The following SPTB variants were observed in gnomAD, a reference collection of about 807,000 sequenced individuals.
SPTB encodes spectrin beta chain, erythrocytic.
A neutral mutation model predicts 256.2 loss-of-function variants in SPTB; 45 were observed. The ratio of observed to expected loss-of-function variants is 0.18; its 90% confidence interval spans 0.14 to 0.23. The LOEUF is 0.23. SPTB is among the 10% of genes least tolerant of loss of function. The pLI is 1.00. For missense variants in SPTB, 2,715 were observed against 3,040.4 expected (o/e 0.89, Z 2.52); for synonymous variants, 1,231 against 1,243.1 (o/e 0.99, Z 0.21).
At chr14:64,812,736 T>C (rs988478221) in intron 2 of SPTB, among the ~76,000 whole-genome samples, 7 of 152,104 alleles carry the variant, frequency 4.6e-5, no homozygotes, top group African/African-American at 1.2e-4. Context: ...AAGTCCCTAG[T>C]GGGGCTGTTT....
chr14:64,749,483 G>A lies in SPTB; in HGVS notation c.6820-10C>T, dbSNP rs140679128. The A allele has an allele frequency of 7.1e-5, 114 of 1,598,868 alleles. No homozygotes were observed. The highest frequency in any genetic ancestry group is 6.8e-4 in the African/African-American group (51 of 74,978). On this transcript the variant is annotated splice_polypyrimidine_tract_variant and intron_variant, in intron 35 of 35. Transcript: ENST00000644917. The surrounding 1 kb of genome is among the most constrained non-coding windows in gnomAD (Gnocchi z 4.7). ...AGGACAGCATCTCCTCCTGCGGGGCGGAGGGTCACGGTGGAGTCTGGAGGC... is the reference window on the plus strand; with the variant it reads ...AGGACAGCATCTCCTCCTGCGGGGCAGAGGGTCACGGTGGAGTCTGGAGGC...
chr14:64,823,069 T>G lies in SPTB; in HGVS notation c.26A>C (p.Asn9Thr), dbSNP rs138437526. The change falls in exon 2 of 36, where the codon AAT (asparagine) becomes ACT (threonine). Residue 9 changes from asparagine to threonine, a missense_variant. Transcript: ENST00000644917. This position sits in a 1 kb window ranked among gnomAD's most constrained non-coding sequence, Gnocchi z 6.5. The stretch of plus-strand genomic sequence containing the variant: ...GCTGTAAGGTGGCTGGTTGCCCACA[T>G]TTTCAAACTCTGTGGCCGATGTCAT... MTSATEFE[N>T]VGNQPPYSRI... is the part of the protein sequence containing the mutation. 1,184 of 1,614,148 alleles carry G rather than the reference T, an allele frequency of 7.3e-4. 4 individuals are homozygous for G. In the Middle Eastern group the frequency reaches 8.0e-3, roughly 11 times the overall value.
rs1398892765 is a variant in SPTB, at chr14:64,764,977, AG to A, written c.6345+1748del. Among the ~76,000 whole-genome samples the A allele has an allele frequency of 6.7e-6, 1 of 149,526 alleles. No homozygotes were observed. ...CTGGGCATGGTGGGCTGGTGCAGCT[AG>A]GAAAGGGAGGCCTCTGGCCAGGCTG... On this transcript the variant is annotated intron_variant, in intron 32 of 35. Transcript: ENST00000644917. The surrounding 1 kb of genome is among the most constrained non-coding windows in gnomAD (Gnocchi z 4.2).
intron 1 of SPTB, among the ~76,000 whole-genome samples, chr14:64,829,291 A>G (rs1166115906): frequency 1.3e-5 from 2 of 152,242 alleles, no homozygotes; most frequent in African/African-American, 2.4e-5. Context: ...CAACTGACTC[A>G]GCTTCTTCAA....
chr14:64,761,865 AG>A (rs1405677997), intron 32 of SPTB, among the ~76,000 whole-genome samples: 6 of 152,172 alleles, frequency 3.9e-5, no homozygotes, highest in Non-Finnish European at 2.9e-5. Flanking sequence ...TCTGCCACCC[AG>A]TGGTCACATC....
At position 64,779,747 on chromosome 14, in the gene SPTB, C is replaced by T. The variant is rs1377781579; in HGVS notation, c.4451G>A (p.Ser1484Asn). 2 of 1,614,032 alleles carry T rather than the reference C, an allele frequency of 1.2e-6. No homozygotes were observed. The highest frequency in any genetic ancestry group is 1.7e-6 in the Non-Finnish European group (2 of 1,180,044). Residue 1484 changes from serine (S) to asparagine (N), a missense_variant, in exon 21 of 36, where the codon AGC becomes AAC. By Grantham distance (46) the Ser-to-Asn change is conservative (BLOSUM62 1). This residue lies in a region of SPTB where 2,239 missense variants were observed against 2,384.4 expected (regional missense o/e 0.94). Transcript: ENST00000644917. This position sits in a 1 kb window ranked among gnomAD's most constrained non-coding sequence, Gnocchi z 4.2. The stretch of plus-strand genomic sequence containing the variant: ...CACCGTCTCATCCTCTAAGTCCCGG[C>T]TGATCTGCAGCTTGGCTCTGGATGA... ...LESSRAKLQI[S>N]RDLEDETLWV...
Position 64,785,776 on chromosome 14 carries a change from T to C in SPTB, c.3737A>G (p.Lys1246Arg). Residue 1246 changes from lysine to arginine, a missense_variant, in exon 17 of 36, where the codon AAG (lysine) becomes AGG (arginine). By Grantham distance (26) the Lys-to-Arg change is conservative (BLOSUM62 2). Coordinates refer to ENST00000644917, the MANE Select transcript of SPTB (RefSeq NM_001355436.2). This position sits in a 1 kb window ranked among gnomAD's most constrained non-coding sequence, Gnocchi z 4.4. ...AEGNLYSDKI[K>R]EKVQLIEDRH... Reference sequence around the variant, plus strand: ...GTCCTCAATCAGCTGCACCTTCTCCTTGATCTTGTCTGAGTATAGGTTTCC... The same window carrying C: ...GTCCTCAATCAGCTGCACCTTCTCCCTGATCTTGTCTGAGTATAGGTTTCC... 6.2e-7 allele frequency: 1 copy of C among 1,614,084 alleles called. No homozygotes were observed.
rs2082780215 is a variant in SPTB, at chr14:64,796,867, A to G, written c.1183-152T>C. ...CGTGGTAGCAGATTAAAGATCAATA[A>G]AAGCCTTTGGCTTTCATGTCTGGGC... On this transcript the variant is annotated intron_variant, in intron 10 of 35. Transcript: ENST00000644917. This position sits in a 1 kb window ranked among gnomAD's most constrained non-coding sequence, Gnocchi z 4.1. 9.9e-7 allele frequency: 1 copy of G among 1,010,930 alleles called. No homozygotes were observed. Among genetic ancestry groups the G allele is most frequent in the East Asian group, 2.6e-5 (1 of 37,740 alleles). The allele number at this position is 1,010,930 out of a possible 1,614,324, so 62.6% of individuals were successfully genotyped here.
Position 64,779,925 on chromosome 14 carries a change from C to T in SPTB, c.4273G>A (p.Glu1425Lys), listed in dbSNP as rs781231618. ...NRMLAKLKRV[E>K]DQVNVRKEEL... ...TCTTTTCGCACATTCACTTGGTCCTCCACTCGCTGAGACACAAGGGGACGG... is the reference window on the plus strand; with the variant it reads ...TCTTTTCGCACATTCACTTGGTCCTTCACTCGCTGAGACACAAGGGGACGG... The change falls in exon 21 of 36, where the codon GAG (glutamate) becomes AAG (lysine). Residue 1425 changes from glutamate (E) to lysine (K), a missense_variant. Physicochemically the swap from Glu to Lys is moderately conservative, Grantham distance 56. Transcript: ENST00000644917. The surrounding 1 kb of genome is among the most constrained non-coding windows in gnomAD (Gnocchi z 4.2). The T allele has an allele frequency of 6.8e-6, 11 of 1,613,690 alleles. No individual in the cohort carries two copies. Among genetic ancestry groups the T allele is most frequent in the East Asian group, 4.5e-5 (2 of 44,900 alleles).
rs142823994 is a variant in SPTB at position 64,786,896 on chromosome 14, G to A, written c.3069C>T (p.Asp1023=). The A allele has an allele frequency of 8.6e-5, 139 of 1,612,868 alleles. No homozygotes were observed. The highest frequency in any genetic ancestry group is 1.1e-4 in the Non-Finnish European group (135 of 1,180,044). Residue 1023 remains aspartate (D), a synonymous_variant, in exon 16 of 36, where the codon GAC becomes GAT. Coordinates refer to ENST00000644917, the MANE Select transcript of SPTB (RefSeq NM_001355436.2). This position sits in a 1 kb window ranked among gnomAD's most constrained non-coding sequence, Gnocchi z 5.6. ...ALERESQQLM[D]SHPEQKEDIG... ...TATCCTCCTTCTGCTCAGGGTGCGA[G>A]TCCATCAGCTGCTGGGACTCACGCT... is the stretch of plus-strand genomic sequence containing the variant.
At position 64,792,958 on chromosome 14, in the gene SPTB, G is replaced by T. The variant is rs1163115923; in HGVS notation, c.2666+39C>A. The T allele has an allele frequency of 6.8e-6, 11 of 1,613,462 alleles. No homozygotes were observed. The highest frequency in any genetic ancestry group is 9.3e-6 in the Non-Finnish European group (11 of 1,179,976). On this transcript the variant is annotated intron_variant, in intron 14 of 35. Transcript: ENST00000644917. This position sits in a 1 kb window ranked among gnomAD's most constrained non-coding sequence, Gnocchi z 4.2. ...TAGGTGGGAGATGGTGCCCAGGCCT[G>T]GGTACAGGGACGTGAGGAAAAGATG...
At chr14:64,788,115 C>T (rs1258455438) in intron 15 of SPTB, among the ~76,000 whole-genome samples, 1 of 152,156 alleles carries the variant, frequency 6.6e-6, no homozygotes. Flanking sequence ...GTGCACAGCA[C>T]CTAACAGGCA....
chr14:64,843,501 T>G (rs2083640273), intron 1 of SPTB, among the ~76,000 whole-genome samples: 1 of 152,210 alleles, frequency 6.6e-6, no homozygotes, highest in African/African-American at 2.4e-5. Context: ...AGCAAAGCAG[T>G]AAATTCCTTA....
At chr14:64,763,026 G>T (rs540576489) in intron 32 of SPTB, among the ~76,000 whole-genome samples, 1 of 152,248 alleles carries the variant, frequency 6.6e-6, no homozygotes. Context: ...CAGGCACAGT[G>T]GACAGGAAGA....
chr14:64,815,864 C>T (rs1304368294), intron 2 of SPTB, among the ~76,000 whole-genome samples: 1 of 152,180 alleles, frequency 6.6e-6, no homozygotes, highest in Non-Finnish European at 1.5e-5. Context: ...CCTGGTGTTA[C>T]AGGTGAGGAT....
rs2082732220 is a variant in SPTB, at chr14:64,794,526, A to G, written c.1736T>C (p.Ile579Thr). The change falls in exon 13 of 36, where the codon ATC becomes ACC. Residue 579 changes from isoleucine (I) to threonine (T), a missense_variant. Ile to Thr is a moderately conservative substitution (Grantham distance 89, BLOSUM62 -1). Around this residue, in one of 4 missense-constraint regions of SPTB, gnomAD observed 2,239 missense variants for 2,384.4 expected, o/e 0.94. Transcript: ENST00000644917. ...KHKLMEADIA[I>T]QGDKVKAITA... ...GATGGCCTTCACTTTGTCCCCTTGGATGGCGATGTCAGCTTCCATCAACTT... is the reference window on the plus strand; with the variant it reads ...GATGGCCTTCACTTTGTCCCCTTGGGTGGCGATGTCAGCTTCCATCAACTT... The G allele has an allele frequency of 1.2e-6, 2 of 1,614,034 alleles. No individual in the cohort carries two copies. The highest frequency in any genetic ancestry group is 1.3e-5 in the African/African-American group (1 of 74,906).
At chr14:64,857,469 C>T (rs1282510616) in intron 1 of SPTB, among the ~76,000 whole-genome samples, 4 of 150,360 alleles carry the variant, frequency 2.7e-5, no homozygotes, top group Non-Finnish European at 5.9e-5. Flanking sequence ...ATAGTCCCAG[C>T]TACTTGGCTG....
At position 64,825,773 on chromosome 14, in the gene SPTB, C is replaced by A. The variant is rs113734155; in HGVS notation, c.-51-2628G>T. ...ATAAGTCTGCCCCAGAAAGATGAGC[C>A]TGAGCAGGCCGACCAGCAGGCCCAG... On this transcript the variant is annotated intron_variant, in intron 1 of 35. Transcript: ENST00000644917. This position sits in a 1 kb window ranked among gnomAD's most constrained non-coding sequence, Gnocchi z 4.8. Among the ~76,000 whole-genome samples the A allele has an allele frequency of 1.8e-3, 278 of 152,356 alleles. 1 individual carries two copies. The highest frequency in any genetic ancestry group is 6.3e-3 in the African/African-American group (263 of 41,584).
intron 8 of SPTB, 42 bp downstream of exon 8, chr14:64,800,714 A>T (rs1247815022): frequency 6.4e-7 from 1 of 1,560,800 alleles, no homozygotes; most frequent in East Asian, 2.2e-5. Context: ...GGACCTGACA[A>T]ACAGGGGAAG....
Sources: gnomAD v4.1 joint callset for allele counts (sites outside exome capture counted in the v4.1 genomes callset) on GRCh38, gnomAD v4.1.1 for gene constraint, gnomAD v4.1.1 regional missense constraint, Gnocchi (gnomAD v3.1) non-coding constraint, MANE v1.5 for transcripts, NCBI Gene and HGNC (gene_info 2026-07-23, HGNC 2026-07-21) for gene names.